Variants in PCDHGC3 observed in about 807,000 individuals in gnomAD.
PCDHGC3 encodes protocadherin gamma subfamily C, 3.
PCDHGC3 carries 26 observed loss-of-function variants against 59.2 expected under a neutral mutation model. The ratio of observed to expected loss-of-function variants is 0.44; its 90% CI spans 0.32 to 0.61. PCDHGC3 has a LOEUF of 0.61. Among genes scored for constraint, PCDHGC3 ranks in the 20% least tolerant of loss-of-function variants. The pLI, the probability that PCDHGC3 is intolerant of heterozygous loss-of-function variation, is 0.05. For missense variants in PCDHGC3, 1,080 were observed against 1,221.8 expected (o/e 0.88, Z 1.73); for synonymous variants, 487 against 519.7 (o/e 0.94, Z 0.86).
intron 1 of PCDHGC3, among the ~76,000 whole-genome samples, chr5:141,482,329 T>C (rs1334833454): frequency 6.6e-6 from 1 of 152,160 alleles, no homozygotes; most frequent in Non-Finnish European, 1.5e-5. Context: ...ATAAAGAGAA[T>C]ATCTACTTTG....
In PCDHGC3 at chr5:141,486,705, A is replaced by T. The variant is rs2099633722; in HGVS notation, c.2431-8102A>T. On this transcript the variant is annotated intron_variant, in intron 1 of 3. Transcript: ENST00000308177. This position sits in a 1 kb window ranked among gnomAD's most constrained non-coding sequence, Gnocchi z 5.0. ...TCAGCTTCCTCTTTCATCTCTCTGA[A>T]CCCCCAGACAGGAGCTGTTCATGCT... The T allele has an allele frequency of 6.2e-7, 1 of 1,613,844 alleles. No individual in the cohort carries two copies. The highest frequency in any genetic ancestry group is 1.3e-5 in the African/African-American group (1 of 74,910).
rs2099631185 is a variant in PCDHGC3, at chr5:141,486,568, T to C, written c.2430+8022T>C. Reference sequence around the variant, plus strand: ...AGAGGTCACATGAGGTGTTTGTTCCTGAGAACAATCGCCCAGGGGACCTGC... The same window carrying C: ...AGAGGTCACATGAGGTGTTTGTTCCCGAGAACAATCGCCCAGGGGACCTGC... On this transcript the variant is annotated intron_variant, in intron 1 of 3. Coordinates refer to ENST00000308177, the MANE Select transcript of PCDHGC3 (RefSeq NM_002588.4). The surrounding 1 kb of genome is among the most constrained non-coding windows in gnomAD (Gnocchi z 5.0). 1.9e-6 allele frequency: 3 copies of C among 1,613,862 alleles called. No homozygotes were observed. The South Asian group carries it at 3.3e-5, about 18-fold the overall frequency.
rs751153896 is a variant in PCDHGC3, at chr5:141,477,514, T to C, written c.1398T>C (p.Ile466=). The change falls in exon 1 of 4, where the codon ATT becomes ATC. Residue 466 remains isoleucine (I), a synonymous_variant. Transcript: ENST00000308177. The surrounding 1 kb of genome is among the most constrained non-coding windows in gnomAD (Gnocchi z 4.9). ...QSSQSSYDVY[I]EENNLPGAPI... ...CTCAATCTTCCTACGACGTTTACAT[T>C]GAAGAAAACAACCTCCCCGGGGCTC... is the stretch of plus-strand genomic sequence containing the variant. 2 of 1,614,114 alleles carry C rather than the reference T, an allele frequency of 1.2e-6. No individual in the cohort carries two copies. The highest frequency in any genetic ancestry group is 2.2e-5 in the East Asian group (1 of 44,878).
chr5:141,501,501 T>C (rs2099809553), intron 2 of PCDHGC3, among the ~76,000 whole-genome samples: 1 of 151,938 alleles, frequency 6.6e-6, no homozygotes, highest in Non-Finnish European at 1.5e-5. Context: ...CTGCTGGGGC[T>C]CCAAGGCCTC....
At chr5:141,501,423 A>G (rs1195105794) in intron 2 of PCDHGC3, among the ~76,000 whole-genome samples, 4 of 151,966 alleles carry the variant, frequency 2.6e-5, no homozygotes, top group African/African-American at 7.2e-5. Flanking sequence ...AGTTGACTAA[A>G]TGTAGTCCAT....
rs1003050993 is a variant in PCDHGC3, at chr5:141,477,637, T to A, written c.1521T>A (p.Gly507=). ...LEQGAETGLV[G]RYFTINRDNG... ...AAGGAGCTGAAACCGGGCTAGTGGG[T>A]CGCTATTTCACAATAAATCGTGACA... Residue 507 remains glycine (G), a synonymous_variant, in exon 1 of 4, where the codon GGT becomes GGA. Transcript: ENST00000308177. This position sits in a 1 kb window ranked among gnomAD's most constrained non-coding sequence, Gnocchi z 4.9. 6.2e-7 allele frequency: 1 copy of A among 1,614,154 alleles called. No individual in the cohort carries two copies. Among genetic ancestry groups the A allele is most frequent in the African/African-American group, 1.3e-5 (1 of 75,040 alleles).
rs988237114 is a variant in PCDHGC3 at position 141,493,830 on chromosome 5, G to A, written c.2431-977G>A. On this transcript the variant is annotated intron_variant, in intron 1 of 3. Transcript: ENST00000308177. This position sits in a 1 kb window ranked among gnomAD's most constrained non-coding sequence, Gnocchi z 4.3. ...ATACTCACACTCTCTGCTTCTGGGA[G>A]CAAGTATGAGTATTAATTACCAGCC... 1.3e-5 allele frequency among the ~76,000 whole-genome samples: 2 copies of A among 152,218 alleles called. No individual in the cohort carries two copies. The highest frequency in any genetic ancestry group is 4.8e-5 in the African/African-American group (2 of 41,456).
At chr5:141,500,729 C>T (rs1434863449) in intron 2 of PCDHGC3, among the ~76,000 whole-genome samples, 2 of 152,130 alleles carry the variant, frequency 1.3e-5, no homozygotes, top group Non-Finnish European at 2.9e-5. Flanking sequence ...CCATGTCTTT[C>T]AAAATTCTTC....
rs778744503 is a variant in PCDHGC3, at chr5:141,511,152, G to C, written c.2784G>C (p.Ser928=). 2 of 1,614,140 alleles carry C rather than the reference G, an allele frequency of 1.2e-6. No individual in the cohort carries two copies. Among genetic ancestry groups the C allele is most frequent in the South Asian group, 2.2e-5 (2 of 91,086 alleles). The change falls in exon 4 of 4, where the codon TCG becomes TCC. Residue 928 remains serine, a synonymous_variant. Coordinates refer to ENST00000308177, the MANE Select transcript of PCDHGC3 (RefSeq NM_002588.4). ...PAGGNGNKKK[S]GKKEKK ...GTGGCAATGGCAACAAGAAGAAGTC[G>C]GGCAAGAAGGAGAAGAAGTAACATG...
At chr5:141,499,025 G>A (rs561539084) in intron 2 of PCDHGC3, among the ~76,000 whole-genome samples, 4 of 140,712 alleles carry the variant, frequency 2.8e-5, no homozygotes, top group Admixed American at 1.4e-4. Context: ...AGGAAGGAAG[G>A]AAGAAAAGAA....
At chr5:141,484,626 C>T (rs1306600907) in intron 1 of PCDHGC3, among the ~76,000 whole-genome samples, 1 of 151,972 alleles carries the variant, frequency 6.6e-6, no homozygotes, top group African/African-American at 2.4e-5. Context: ...CTGGCTTGAA[C>T]AAAGTGACCA....
Position 141,477,678 on chromosome 5 carries a change from C to T in PCDHGC3, c.1562C>T (p.Ser521Phe), listed in dbSNP as rs967769574. Reference protein sequence around the residue: ...TINRDNGIVSSLVPLDYEDRR... With the variant: ...TINRDNGIVSFLVPLDYEDRR... ...AATCGTGACAATGGCATAGTGTCAT[C>T]CTTAGTGCCCCTAGACTATGAGGAT... The change falls in exon 1 of 4, where the codon TCC (serine) becomes TTC (phenylalanine). Residue 521 changes from serine to phenylalanine, a missense_variant. By Grantham distance (155) the Ser-to-Phe change is radical (BLOSUM62 -2). Coordinates refer to ENST00000308177, the MANE Select transcript of PCDHGC3 (RefSeq NM_002588.4). This position sits in a 1 kb window ranked among gnomAD's most constrained non-coding sequence, Gnocchi z 4.9. 9.9e-6 allele frequency: 16 copies of T among 1,614,182 alleles called. No homozygotes were observed. The highest frequency in any genetic ancestry group is 1.1e-5 in the Non-Finnish European group (13 of 1,180,046).
chr5:141,510,847 A>C (rs1279701390), intron 3 of PCDHGC3, 100 bp from the exon 4 acceptor site: 1 of 1,595,232 alleles, frequency 6.3e-7, no homozygotes, highest in Non-Finnish European at 8.6e-7. Context: ...GTCAAGGCCC[A>C]GGGTGCTGTA....
chr5:141,485,887 C>T lies in PCDHGC3; in HGVS notation c.2430+7341C>T. 1 of 1,614,098 alleles carries T rather than the reference C, an allele frequency of 6.2e-7. No homozygotes were observed. On this transcript the variant is annotated intron_variant, in intron 1 of 3. Transcript: ENST00000308177. The surrounding 1 kb of genome is among the most constrained non-coding windows in gnomAD (Gnocchi z 5.7). ...TATCCGTGCTGGACGTAAACGACAA[C>T]GCCCCAGCCTTCCAGCAATCCAGCT...
chr5:141,487,459 T>A lies in PCDHGC3; in HGVS notation c.2431-7348T>A. The A allele has an allele frequency of 1.2e-6, 2 of 1,614,102 alleles. No homozygotes were observed. Among genetic ancestry groups the A allele is most frequent in the Non-Finnish European group, 1.7e-6 (2 of 1,180,008 alleles). On this transcript the variant is annotated intron_variant, in intron 1 of 3. Transcript: ENST00000308177. The surrounding 1 kb of genome is among the most constrained non-coding windows in gnomAD (Gnocchi z 5.0). ...TAGGGTCAGATGACCCTATCAAGTT[T>A]GTTGATGTGGGAGGCCACTCTCATG...
At chr5:141,495,010 G>T (rs1327870362) in intron 2 of PCDHGC3, 145 bp downstream of exon 2, 1 of 1,516,970 alleles carries the variant, frequency 6.6e-7, no homozygotes, top group Non-Finnish European at 8.9e-7. Flanking sequence ...GTGTGCGGGG[G>T]GCTGGCACAC....
chr5:141,503,654 G>C (rs1248501987), intron 2 of PCDHGC3, among the ~76,000 whole-genome samples: 1 of 150,388 alleles, frequency 6.6e-6, no homozygotes, highest in Non-Finnish European at 1.5e-5. Flanking sequence ...AATGGAAACA[G>C]AATTACAACT....
At position 141,486,460 on chromosome 5, in the gene PCDHGC3, T is replaced by A. The variant is rs1218788640; in HGVS notation, c.2430+7914T>A. 6.2e-7 allele frequency: 1 copy of A among 1,614,146 alleles called. No individual in the cohort carries two copies. Among genetic ancestry groups the A allele is most frequent in the South Asian group, 1.1e-5 (1 of 91,082 alleles). On this transcript the variant is annotated intron_variant, in intron 1 of 3. Coordinates refer to ENST00000308177, the MANE Select transcript of PCDHGC3 (RefSeq NM_002588.4). The surrounding 1 kb of genome is among the most constrained non-coding windows in gnomAD (Gnocchi z 5.0). Reference sequence around the variant, plus strand: ...ATGACATCATGGTCACTGCTTCTGATGCTGGGAACCCTCCTCTCAGTACCC... The same window carrying A: ...ATGACATCATGGTCACTGCTTCTGAAGCTGGGAACCCTCCTCTCAGTACCC...
In PCDHGC3 at chr5:141,491,801, G is replaced by C; in HGVS notation, c.2431-3006G>C. 1 of 1,500,844 alleles carries C rather than the reference G, an allele frequency of 6.7e-7. No individual in the cohort carries two copies. Among genetic ancestry groups the C allele is most frequent in the Non-Finnish European group, 8.9e-7 (1 of 1,125,292 alleles). The allele number at this position is 1,500,844 out of a possible 1,614,324, so 93.0% of individuals were successfully genotyped here. The stretch of plus-strand genomic sequence containing the variant: ...AACTTGCATCCACTCCTCTCCGGCC[G>C]GCTTGGTCGCTGGCTGCGCTCCACC... On this transcript the variant is annotated intron_variant, in intron 1 of 3. Coordinates refer to ENST00000308177, the MANE Select transcript of PCDHGC3 (RefSeq NM_002588.4). The surrounding 1 kb of genome is among the most constrained non-coding windows in gnomAD (Gnocchi z 6.9).
Sources: allele counts gnomAD v4.1 joint callset (sites outside exome capture counted in the v4.1 genomes callset), GRCh38; gene constraint gnomAD v4.1.1; non-coding constraint Gnocchi (gnomAD v3.1); transcripts MANE v1.5; gene names NCBI Gene and HGNC (gene_info 2026-07-23, HGNC 2026-07-21).